The following PRDM15 variants were observed in gnomAD, a reference collection of about 807,000 sequenced individuals.
PRDM15 encodes PR/SET domain 15.
Under a neutral mutation model 128.6 loss-of-function variants are expected in PRDM15, and 64 were observed. The ratio of observed to expected loss-of-function variants is 0.50; its 90% CI spans 0.41 to 0.61. The LOEUF (loss-of-function observed/expected upper bound fraction) is 0.61, where lower values mean the gene tolerates loss of function less well. Ranked by LOEUF, PRDM15 falls within the 20% of genes least tolerant of loss-of-function variation. The pLI is 0.00. For missense variants in PRDM15, 1,242 were observed against 1,569.1 expected (o/e 0.79, Z 3.52); for synonymous variants, 615 against 621.8 (o/e 0.99, Z 0.16).
intron 1 of PRDM15, chr21:41,871,398 G>T: frequency 1.1e-6 from 1 of 943,974 alleles, no homozygotes; most frequent in Non-Finnish European, 1.3e-6. Context: ...CACCCTCTCT[G>T]TCACTGTCCC....
rs187914535 is a variant in PRDM15 at position 41,869,388 on chromosome 21, T to C, written c.-9-9016A>G. On this transcript the variant is annotated intron_variant, in intron 1 of 23. Coordinates refer to ENST00000398548, the MANE Select transcript of PRDM15 (RefSeq NM_001040424.3). ...CTCCACCTCCAGGGCTCAAGCGATC[T>C]TCCTGCCTCAGCCTTCCGAGTTGTT... 7.1e-4 allele frequency among the ~76,000 whole-genome samples: 107 copies of C among 151,686 alleles called. 1 individual carries two copies. The highest frequency in any genetic ancestry group is 2.5e-3 in the African/African-American group (102 of 41,314).
At chr21:41,838,828 G>T (rs1389308534) in intron 7 of PRDM15, among the ~76,000 whole-genome samples, 1 of 152,198 alleles carries the variant, frequency 6.6e-6, no homozygotes, top group Non-Finnish European at 1.5e-5. Context: ...CTTCCCAATT[G>T]TCTCTAATTA....
Position 41,847,196 on chromosome 21 carries a change from A to C in PRDM15, c.539-5T>G. On this transcript the variant is annotated splice_polypyrimidine_tract_variant and splice_region_variant and intron_variant, in intron 5 of 23. Coordinates refer to ENST00000398548, the MANE Select transcript of PRDM15 (RefSeq NM_001040424.3). The stretch of plus-strand genomic sequence containing the variant: ...TGTTTTCTGGGGTGCCTGCAGCTTC[A>C]AAAGACATGAGAGGAGAAAAAGGTG... The C allele has an allele frequency of 1.3e-6, 2 of 1,547,198 alleles. No individual in the cohort carries two copies. Among genetic ancestry groups the C allele is most frequent in the Non-Finnish European group, 1.7e-6 (2 of 1,143,692 alleles).
intron 5 of PRDM15, among the ~76,000 whole-genome samples, chr21:41,848,864 G>C (rs2063345516): frequency 6.6e-6 from 1 of 152,166 alleles, no homozygotes; most frequent in African/African-American, 2.4e-5. Context: ...TAAAAGATAA[G>C]AATTCTTAAG....
At chr21:41,822,682 T>G (rs2062321082) in intron 14 of PRDM15, among the ~76,000 whole-genome samples, 1 of 152,034 alleles carries the variant, frequency 6.6e-6, no homozygotes, top group Non-Finnish European at 1.5e-5. Context: ...CACCAGGAAA[T>G]GGTATCAGGA....
intron 14 of PRDM15, among the ~76,000 whole-genome samples, chr21:41,823,025 G>A (rs1301204943): frequency 2.3e-5 from 3 of 128,928 alleles, no homozygotes; most frequent in Non-Finnish European, 4.9e-5. Flanking sequence ...ACGAGACTCC[G>A]TCTCAAAAAA....
rs761192376 is a variant in PRDM15 at position 41,821,641 on chromosome 21, C to A, written c.1896+262G>T. On this transcript the variant is annotated intron_variant, in intron 15 of 23. Coordinates refer to ENST00000398548, the MANE Select transcript of PRDM15 (RefSeq NM_001040424.3). The surrounding 1 kb of genome is among the most constrained non-coding windows in gnomAD (Gnocchi z 5.4). The stretch of plus-strand genomic sequence containing the variant: ...CCACACTTCATGTGTGTTCCTGAAC[C>A]GTGTCACAAGGCAAGTTCCTGGAGG... Among the ~76,000 whole-genome samples, 1 of 152,216 alleles carries A rather than the reference C, an allele frequency of 6.6e-6. No homozygotes were observed. Among genetic ancestry groups the A allele is most frequent in the Non-Finnish European group, 1.5e-5 (1 of 68,036 alleles).
chr21:41,838,072 A>C lies in PRDM15; in HGVS notation c.872-9T>G. On this transcript the variant is annotated splice_polypyrimidine_tract_variant and intron_variant, in intron 7 of 23. Transcript: ENST00000398548. ...GATCTCTGCCACTTGCTCTGTACGA[A>C]GGGGATGTGACAAGCTAAGTAACCA... 6.2e-7 allele frequency: 1 copy of C among 1,613,594 alleles called. No individual in the cohort carries two copies. The highest frequency in any genetic ancestry group is 8.5e-7 in the Non-Finnish European group (1 of 1,179,878).
chr21:41,873,920 C>T (rs1382248882), intron 1 of PRDM15, among the ~76,000 whole-genome samples: 1 of 152,042 alleles, frequency 6.6e-6, no homozygotes, highest in African/African-American at 2.4e-5. Flanking sequence ...GTGGCACATG[C>T]CTGTAGTCAT....
At chr21:41,812,451 G>A (rs978132192) in intron 19 of PRDM15, 2 of 152,256 alleles carry the variant, frequency 1.3e-5, no homozygotes, top group African/African-American at 4.8e-5. Flanking sequence ...AGCCCGGGGG[G>A]AGGCGTACAG....
chr21:41,830,113 CACCA>C (rs2062631151), intron 11 of PRDM15, among the ~76,000 whole-genome samples: 1 of 151,730 alleles, frequency 6.6e-6, no homozygotes, highest in African/African-American at 2.4e-5. Flanking sequence ...ACTCAACACA[CACCA>C]CACACAAAAA....
At chr21:41,804,510 C>A in intron 22 of PRDM15, 24 bp downstream of exon 22, 1 of 1,548,328 alleles carries the variant, frequency 6.5e-7, no homozygotes, top group Non-Finnish European at 8.7e-7. Context: ...AGTTTCTGAG[C>A]CCCTGGGGCC....
At chr21:41,806,024 C>T (rs202161488) in intron 21 of PRDM15, among the ~76,000 whole-genome samples, 58 of 11,446 alleles carry the variant, frequency 5.1e-3, no homozygotes, top group Non-Finnish European at 7.6e-3. Flanking sequence ...ACCATCACCA[C>T]CACCACCATC....
chr21:41,865,955 G>T (rs1459866657), intron 1 of PRDM15, among the ~76,000 whole-genome samples: 2 of 152,010 alleles, frequency 1.3e-5, no homozygotes, highest in African/African-American at 4.8e-5. Context: ...ATGTTGGCCA[G>T]ACTGGTCTCA....
At chr21:41,834,035 C>T (rs1377543469) in intron 11 of PRDM15, among the ~76,000 whole-genome samples, 1 of 152,178 alleles carries the variant, frequency 6.6e-6, no homozygotes, top group East Asian at 1.9e-4. Context: ...GGGGACTGTG[C>T]CCCAGGTTTC....
rs747741897 is a variant in PRDM15, at chr21:41,861,579, C to T, written c.-9-1207G>A. 1 of 1,598,140 alleles carries T rather than the reference C, an allele frequency of 6.3e-7. No individual in the cohort carries two copies. Among genetic ancestry groups the T allele is most frequent in the Non-Finnish European group, 8.5e-7 (1 of 1,172,526 alleles). ...TGTGCGCACCGGCATGTCCTTCCTG[C>T]AACCTGCTTCTCTGATGCCCGTTGC... On this transcript the variant is annotated intron_variant, in intron 1 of 23. Coordinates refer to ENST00000398548, the MANE Select transcript of PRDM15 (RefSeq NM_001040424.3).
intron 21 of PRDM15, among the ~76,000 whole-genome samples, chr21:41,806,541 CACCAA>C (rs2061660585): frequency 1.8e-3 from 24 of 13,378 alleles, no homozygotes; most frequent in Non-Finnish European, 3.1e-3. Flanking sequence ...CCATCACTAC[CACCAA>C]CATCACCACC....
At chr21:41,831,430 C>T (rs553683904) in intron 11 of PRDM15, among the ~76,000 whole-genome samples, 6 of 152,350 alleles carry the variant, frequency 3.9e-5, no homozygotes, top group East Asian at 1.9e-4. Flanking sequence ...TTGGGGCAAA[C>T]GCCCTCCACT....
At chr21:41,855,055 C>T (rs145016838) in intron 4 of PRDM15, among the ~76,000 whole-genome samples, 6 of 152,264 alleles carry the variant, frequency 3.9e-5, no homozygotes, top group Admixed American at 6.5e-5. Context: ...ACACAGCCAG[C>T]GGTCTATGTG....
Sources: gnomAD v4.1 joint callset for allele counts (sites outside exome capture counted in the v4.1 genomes callset) on GRCh38, gnomAD v4.1.1 for gene constraint, Gnocchi (gnomAD v3.1) non-coding constraint, MANE v1.5 for transcripts, NCBI Gene and HGNC (gene_info 2026-07-23, HGNC 2026-07-21) for gene names.